MACROD2: variants seen among roughly 807,000 people sequenced by gnomAD.
MACROD2 encodes ADP-ribose glycohydrolase MACROD2.
MACROD2 carries 36 observed loss-of-function variants against 70.4 expected under a neutral mutation model. That is an observed-to-expected ratio of 0.51 (90% CI 0.39 to 0.68). The LOEUF (loss-of-function observed/expected upper bound fraction) is 0.68. Ranked by LOEUF, MACROD2 falls within the 30% of genes least tolerant of loss-of-function variation. The probability of loss-of-function intolerance (pLI) is 0.00; values close to 1 mark genes in which losing one functional copy is unlikely to be tolerated. For synonymous variants in MACROD2, 172 were observed against 178.8 expected, an observed-to-expected ratio of 0.96 and a Z score of 0.30; for missense variants, 496 against 538.4, an observed-to-expected ratio of 0.92 and a Z score of 0.78.
chr20:14,384,454 TG>T (rs1436805987), intron 3 of MACROD2, among the ~76,000 whole-genome samples: 2 of 149,322 alleles, frequency 1.3e-5, no homozygotes, highest in African/African-American at 5.0e-5. Context: ...TAAATACAAA[TG>T]TTTTGTTTCC....
intron 4 of MACROD2, among the ~76,000 whole-genome samples, chr20:14,572,728 G>A (rs1894040436): frequency 6.6e-6 from 1 of 151,948 alleles, no homozygotes; most frequent in Non-Finnish European, 1.5e-5. Flanking sequence ...GCATGAGGAA[G>A]GATTTTGGGG....
chr20:14,195,316 C>T, intron 3 of MACROD2, among the ~76,000 whole-genome samples: 1 of 152,072 alleles, frequency 6.6e-6, no homozygotes, highest in East Asian at 1.9e-4. Flanking sequence ...TTTTCTCTTT[C>T]ATTTGTGTGG....
chr20:15,972,395 GA>G (rs2066244775), intron 13 of MACROD2, among the ~76,000 whole-genome samples: 1 of 152,002 alleles, frequency 6.6e-6, no homozygotes, highest in Admixed American at 6.6e-5. Flanking sequence ...CAAAGCATAA[GA>G]AACATAATGA....
chr20:14,263,958 C>T (rs900323747), intron 3 of MACROD2, among the ~76,000 whole-genome samples: 22 of 132,030 alleles, frequency 1.7e-4, no homozygotes, highest in Non-Finnish European at 3.1e-5. Context: ...GGTGACAGAG[C>T]AAGACCCTAT....
intron 2 of MACROD2, among the ~76,000 whole-genome samples, chr20:14,012,684 A>G (rs144325069): frequency 6.6e-6 from 1 of 152,138 alleles, no homozygotes; most frequent in African/African-American, 2.4e-5. Context: ...GATGTTATTC[A>G]GGTTTATGGT....
intron 5 of MACROD2, among the ~76,000 whole-genome samples, chr20:14,741,148 T>A (rs1363534364): frequency 1.3e-5 from 2 of 152,204 alleles, no homozygotes; most frequent in Non-Finnish European, 2.9e-5. Flanking sequence ...GTTTATTAAT[T>A]TTCAAGTGAG....
At chr20:14,070,023 A>G (rs145345149) in intron 2 of MACROD2, among the ~76,000 whole-genome samples, 1 of 152,160 alleles carries the variant, frequency 6.6e-6, no homozygotes, top group Non-Finnish European at 1.5e-5. Flanking sequence ...GGCCATTTAG[A>G]ACCATCTAGC....
At chr20:14,536,414 A>C (rs910304075) in intron 4 of MACROD2, among the ~76,000 whole-genome samples, 1 of 152,234 alleles carries the variant, frequency 6.6e-6, no homozygotes, top group African/African-American at 2.4e-5. Context: ...GGAAGAATAA[A>C]GAATAATATA....
chr20:15,693,883 G>A (rs73614435), intron 8 of MACROD2, among the ~76,000 whole-genome samples: 6,348 of 142,630 alleles, frequency 0.045, 268 homozygotes, highest in East Asian at 0.21. Flanking sequence ...TCTTCCCCCC[G>A]AGTCCCCAAA....
intron 4 of MACROD2, among the ~76,000 whole-genome samples, chr20:14,542,805 C>T (rs2085449860): frequency 6.6e-6 from 1 of 152,038 alleles, no homozygotes; most frequent in Admixed American, 6.6e-5. Context: ...AACTTTGCTG[C>T]ATAATTGAAA....
intron 5 of MACROD2, among the ~76,000 whole-genome samples, chr20:15,109,943 G>A (rs1002373842): frequency 2.6e-5 from 4 of 152,042 alleles, no homozygotes; most frequent in Non-Finnish European, 4.4e-5. Flanking sequence ...AAAGGCAAGT[G>A]CCGTTTGTGA....
rs191867686 is a variant in MACROD2, at chr20:14,895,742, A to G, written c.418+210783A>G. Among the ~76,000 whole-genome samples the G allele has an allele frequency of 3.4e-3, 517 of 152,258 alleles. 6 individuals are homozygous for G. Among genetic ancestry groups the G allele is most frequent in the African/African-American group, 0.012 (488 of 41,544 alleles). ...TGAAAAGAGAAAAGATAAAAATATTATCATCCATTAAATGTGGGTAGTGAT... is the reference window on the plus strand; with the variant it reads ...TGAAAAGAGAAAAGATAAAAATATTGTCATCCATTAAATGTGGGTAGTGAT... On this transcript the variant is annotated intron_variant, in intron 5 of 17. Coordinates refer to ENST00000684519, the MANE Select transcript of MACROD2 (RefSeq NM_001351661.2).
intron 4 of MACROD2, among the ~76,000 whole-genome samples, chr20:14,514,965 A>G (rs1431815832): frequency 6.6e-6 from 1 of 152,158 alleles, no homozygotes; most frequent in East Asian, 1.9e-4. Context: ...GGAAGCAATA[A>G]TTGAACAACT....
intron 4 of MACROD2, among the ~76,000 whole-genome samples, chr20:14,642,717 C>CT (rs1568715928): frequency 6.6e-6 from 1 of 152,016 alleles, no homozygotes; most frequent in East Asian, 1.9e-4. Flanking sequence ...TTATGTTCTC[C>CT]TTTTTTTATG....
At chr20:14,155,538 T>G (rs2055090732) in intron 3 of MACROD2, among the ~76,000 whole-genome samples, 1 of 152,214 alleles carries the variant, frequency 6.6e-6, no homozygotes, top group South Asian at 2.1e-4. Context: ...CAGACATGAC[T>G]GATTAAAAGG....
chr20:15,439,672 GAC>G (rs1220922127), intron 7 of MACROD2, among the ~76,000 whole-genome samples: 8 of 152,172 alleles, frequency 5.3e-5, no homozygotes, highest in Admixed American at 3.3e-4. Context: ...GATGAGAGCA[GAC>G]ACTGCCTTCT....
At chr20:15,756,800 G>A (rs1249822741) in intron 8 of MACROD2, among the ~76,000 whole-genome samples, 1 of 152,192 alleles carries the variant, frequency 6.6e-6, no homozygotes, top group Admixed American at 6.5e-5. Flanking sequence ...ATTAAGGTGA[G>A]TGCATTAAAA....
At chr20:15,853,997 C>T (rs916644626) in intron 8 of MACROD2, among the ~76,000 whole-genome samples, 1 of 152,108 alleles carries the variant, frequency 6.6e-6, no homozygotes, top group African/African-American at 2.4e-5. Flanking sequence ...ATGGAGGGAA[C>T]TGCGTGGGAG....
chr20:14,716,147 A>G (rs2071394702), intron 5 of MACROD2, among the ~76,000 whole-genome samples: 1 of 152,178 alleles, frequency 6.6e-6, no homozygotes, highest in Admixed American at 6.5e-5. Flanking sequence ...GCCACTTAAT[A>G]AGAGCCATGC....
Sources: allele counts gnomAD v4.1 joint callset (sites outside exome capture counted in the v4.1 genomes callset), GRCh38; gene constraint gnomAD v4.1.1; transcripts MANE v1.5; gene names NCBI Gene and HGNC (gene_info 2026-07-23, HGNC 2026-07-21).